CNTNAP4: variants seen among roughly 807,000 people sequenced by gnomAD.
CNTNAP4 encodes the protein contactin-associated protein-like 4.
Under a neutral mutation model 148.4 loss-of-function variants are expected in CNTNAP4, and 98 were observed. That is an observed-to-expected ratio of 0.66 (90% confidence interval 0.56 to 0.78). The LOEUF (loss-of-function observed/expected upper bound fraction) is 0.78, where lower values mean the gene tolerates loss of function less well. CNTNAP4 is among the 30% of genes least tolerant of loss of function. CNTNAP4 has a pLI of 0.00. For synonymous variants in CNTNAP4, 730 were observed against 565.1 expected (o/e 1.29, Z -4.14); for missense variants, 1,935 against 1,565.6 (o/e 1.24, Z -3.98).
At chr16:76,450,257 C>T (rs1354832843) in intron 7 of CNTNAP4, among the ~76,000 whole-genome samples, 1 of 152,076 alleles carries the variant, frequency 6.6e-6, no homozygotes, top group East Asian at 1.9e-4. Flanking sequence ...TCAAGCGATT[C>T]TCCTACCTCA....
At chr16:76,418,088 A>T (rs1196840878) in intron 3 of CNTNAP4, among the ~76,000 whole-genome samples, 1 of 127,412 alleles carries the variant, frequency 7.8e-6, no homozygotes, top group East Asian at 2.3e-4. Context: ...AATAGTTTTT[A>T]TTTTGGTTTT....
At chr16:76,416,467 A>T (rs190143601) in intron 3 of CNTNAP4, among the ~76,000 whole-genome samples, 2 of 151,254 alleles carry the variant, frequency 1.3e-5, no homozygotes, top group African/African-American at 4.8e-5. Context: ...TTTCATTTTC[A>T]TACAGATTTA....
In CNTNAP4 at chr16:76,535,769, C is replaced by G. The variant is rs1260868887; in HGVS notation, c.2980C>G (p.Pro994Ala). ...CDCTFSAYTG[P>A]FCSNEISAYF... ...CTGCACTTTCTCTGCATACACAGGG[C>G]CATTCTGCTCAAATGGTAAGTGTGG... The change falls in exon 18 of 24, where the codon CCA becomes GCA. Residue 994 changes from proline (P) to alanine (A), a missense_variant. By Grantham distance (27) the Pro-to-Ala change is conservative. Transcript: ENST00000611870. 1 of 1,613,512 alleles carries G rather than the reference C, an allele frequency of 6.2e-7. No individual in the cohort carries two copies. Among genetic ancestry groups the G allele is most frequent in the Admixed American group, 1.7e-5 (1 of 59,962 alleles).
intron 3 of CNTNAP4, among the ~76,000 whole-genome samples, chr16:76,414,444 A>C (rs2078908373): frequency 6.6e-6 from 1 of 151,204 alleles, no homozygotes; most frequent in Admixed American, 6.6e-5. Context: ...ATTTTTAAGG[A>C]GTTTTGGATT....
chr16:76,523,899 C>T (rs753841039), intron 17 of CNTNAP4, among the ~76,000 whole-genome samples: 1 of 152,152 alleles, frequency 6.6e-6, no homozygotes, highest in African/African-American at 2.4e-5. Context: ...TACTGCACTC[C>T]ATCCTGGGTG....
At chr16:76,408,335 TTTAA>T (rs1208991625) in intron 3 of CNTNAP4, among the ~76,000 whole-genome samples, 3 of 152,112 alleles carry the variant, frequency 2.0e-5, no homozygotes, top group Non-Finnish European at 2.9e-5. Context: ...ATAGAACTAA[TTTAA>T]TTAAGCTATT....
chr16:76,439,307 A>AAAG (rs2079950539), intron 4 of CNTNAP4, among the ~76,000 whole-genome samples: 4 of 151,864 alleles, frequency 2.6e-5, no homozygotes, highest in Non-Finnish European at 4.4e-5. Context: ...AAGAGAGATA[A>AAAG]CTTTGAGATA....
chr16:76,340,724 G>A (rs181738511), intron 2 of CNTNAP4, among the ~76,000 whole-genome samples: 21 of 152,222 alleles, frequency 1.4e-4, no homozygotes, highest in Non-Finnish European at 1.6e-4. Context: ...GCTCACTTTC[G>A]TGGCGTTTGC....
intron 18 of CNTNAP4, among the ~76,000 whole-genome samples, chr16:76,536,613 A>T (rs2084225601): frequency 6.6e-6 from 1 of 152,216 alleles, no homozygotes; most frequent in Non-Finnish European, 1.5e-5. Context: ...TATACCATTA[A>T]ATATCGATGC....
chr16:76,418,401 A>G (rs1283782611), intron 3 of CNTNAP4, among the ~76,000 whole-genome samples: 2 of 108,302 alleles, frequency 1.8e-5, no homozygotes, highest in South Asian at 2.9e-4. Context: ...TTTTATATAT[A>G]TATATTTTTA....
At chr16:76,417,763 A>G (rs2079039156) in intron 3 of CNTNAP4, among the ~76,000 whole-genome samples, 1 of 151,650 alleles carries the variant, frequency 6.6e-6, no homozygotes, top group Non-Finnish European at 1.5e-5. Flanking sequence ...AACTTCTTCA[A>G]ACATTTCTTA....
In CNTNAP4 at chr16:76,292,561, T is replaced by A. The variant is rs570287441; in HGVS notation, c.85+14814T>A. On this transcript the variant is annotated intron_variant, in intron 1 of 23. Transcript: ENST00000611870. ...GGCTGCTGCAAATGCAGGTTTTCGGTTGTAACCATCAGCCTAGTGTCTTCT... is the reference window on the plus strand; with the variant it reads ...GGCTGCTGCAAATGCAGGTTTTCGGATGTAACCATCAGCCTAGTGTCTTCT... Among the ~76,000 whole-genome samples the A allele has an allele frequency of 3.3e-5, 5 of 152,328 alleles. No individual in the cohort carries two copies. In the South Asian group the frequency reaches 1.0e-3, roughly 32 times the overall value.
intron 3 of CNTNAP4, among the ~76,000 whole-genome samples, chr16:76,380,174 T>G (rs976983131): frequency 2.0e-5 from 3 of 152,224 alleles, no homozygotes; most frequent in Non-Finnish European, 4.4e-5. Flanking sequence ...ATTAGTGGCA[T>G]ACACTAAAGT....
chr16:76,451,426 T>C (rs998973786), intron 7 of CNTNAP4, among the ~76,000 whole-genome samples: 3 of 152,192 alleles, frequency 2.0e-5, no homozygotes, highest in African/African-American at 7.2e-5. Context: ...TAAGCTCATG[T>C]GTCAGCAAAT....
At chr16:76,313,043 G>A (rs1467902669) in intron 1 of CNTNAP4, among the ~76,000 whole-genome samples, 1 of 152,078 alleles carries the variant, frequency 6.6e-6, no homozygotes, top group Non-Finnish European at 1.5e-5. Flanking sequence ...ACCAAAACTT[G>A]ACCAAATATC....
At chr16:76,299,018 G>A (rs1169260150) in intron 1 of CNTNAP4, among the ~76,000 whole-genome samples, 1 of 152,090 alleles carries the variant, frequency 6.6e-6, no homozygotes, top group Non-Finnish European at 1.5e-5. Context: ...AGACTTAAAT[G>A]TTAGATCTAA....
intron 17 of CNTNAP4, among the ~76,000 whole-genome samples, chr16:76,524,990 T>C (rs953718604): frequency 6.6e-6 from 1 of 151,904 alleles, no homozygotes; most frequent in African/African-American, 2.4e-5. Flanking sequence ...AAAACACTTG[T>C]AGTCTTGGGT....
chr16:76,460,818 A>T (rs1475735036), intron 8 of CNTNAP4, among the ~76,000 whole-genome samples: 3 of 139,864 alleles, frequency 2.1e-5, no homozygotes, highest in African/African-American at 7.9e-5. Context: ...ATAAATATAT[A>T]GAGAGTTTAT....
intron 11 of CNTNAP4, among the ~76,000 whole-genome samples, chr16:76,477,445 T>C (rs541127870): frequency 6.6e-6 from 1 of 152,284 alleles, no homozygotes; most frequent in African/African-American, 2.4e-5. Flanking sequence ...CCTTGGTCTA[T>C]TACACTATAC....
Sources: allele counts gnomAD v4.1 joint callset (sites outside exome capture counted in the v4.1 genomes callset), GRCh38; gene constraint gnomAD v4.1.1; transcripts MANE v1.5; gene names NCBI Gene and HGNC (gene_info 2026-07-23, HGNC 2026-07-21).